Variants in PRIMA1 observed in about 807,000 individuals in gnomAD.
PRIMA1 encodes proline-rich membrane anchor 1.
PRIMA1 carries 7 observed loss-of-function variants against 17.5 expected under a neutral mutation model. That is an observed-to-expected ratio of 0.40 (90% confidence interval 0.23 to 0.75). PRIMA1 has a LOEUF of 0.75. Among genes scored for constraint, PRIMA1 ranks in the 30% least tolerant of loss-of-function variants. The pLI, the probability that PRIMA1 is intolerant of heterozygous loss-of-function variation, is 0.37. For missense variants in PRIMA1, 200 were observed against 201.8 expected (o/e 0.99, Z 0.05); for synonymous variants, 97 against 77.9 (o/e 1.25, Z -1.29).
intron 3 of PRIMA1, among the ~76,000 whole-genome samples, chr14:93,749,215 C>T (rs550851377): frequency 1.2e-4 from 18 of 152,234 alleles, no homozygotes; most frequent in Admixed American, 7.8e-4. Flanking sequence ...GCAGAAGGTC[C>T]GCATACTTGC....
At chr14:93,727,263 G>A (rs1191689751) in intron 4 of PRIMA1, among the ~76,000 whole-genome samples, 1 of 152,218 alleles carries the variant, frequency 6.6e-6, no homozygotes, top group African/African-American at 2.4e-5. Context: ...GCTGTGGGCC[G>A]AGGGGAGCAG....
Position 93,726,602 on chromosome 14 carries a change from C to T in PRIMA1, c.360-5056G>A, listed in dbSNP as rs151186847. ...ACACATACACATGTACGCAAACACACACATATATAATATACACATAGACAC... is the reference window on the plus strand; with the variant it reads ...ACACATACACATGTACGCAAACACATACATATATAATATACACATAGACAC... On this transcript the variant is annotated intron_variant, in intron 4 of 4. Transcript: ENST00000393140. This position sits in a 1 kb window ranked among gnomAD's most constrained non-coding sequence, Gnocchi z 4.2. Among the ~76,000 whole-genome samples, 534 of 152,050 alleles carry T rather than the reference C, an allele frequency of 3.5e-3. 1 individual carries two copies. The highest frequency in any genetic ancestry group is 0.012 in the African/African-American group (508 of 41,444).
chr14:93,767,702 G>A (rs1014488279), intron 3 of PRIMA1, among the ~76,000 whole-genome samples: 2 of 152,076 alleles, frequency 1.3e-5, no homozygotes, highest in Non-Finnish European at 2.9e-5. Context: ...GCCATTATGG[G>A]GCCACACCCT....
At chr14:93,774,005 T>C (rs1387039163) in intron 3 of PRIMA1, among the ~76,000 whole-genome samples, 1 of 151,716 alleles carries the variant, frequency 6.6e-6, no homozygotes. Context: ...GGCAGAAGAA[T>C]CACTTGAACT....
intron 3 of PRIMA1, among the ~76,000 whole-genome samples, chr14:93,750,785 C>T (rs76739445): frequency 0.023 from 3,541 of 152,222 alleles, 147 homozygotes; most frequent in African/African-American, 0.081. Context: ...AAGTAAACAA[C>T]CCACTCCTTC....
chr14:93,733,605 C>T (rs2076129680), intron 4 of PRIMA1, among the ~76,000 whole-genome samples: 1 of 151,956 alleles, frequency 6.6e-6, no homozygotes, highest in Non-Finnish European at 1.5e-5. Context: ...CTCTGAAAGG[C>T]TGTGTTGGGG....
chr14:93,778,929 T>C (rs899541900), intron 3 of PRIMA1, among the ~76,000 whole-genome samples: 2 of 152,098 alleles, frequency 1.3e-5, no homozygotes, highest in African/African-American at 2.4e-5. Context: ...GCCAAGTCAC[T>C]CATCAAATGG....
intron 2 of PRIMA1, among the ~76,000 whole-genome samples, chr14:93,781,227 G>A (rs957007421): frequency 3.3e-4 from 50 of 152,230 alleles, no homozygotes; most frequent in African/African-American, 1.0e-3. Context: ...AGAGCATGCC[G>A]TCTGATGGTG....
intron 2 of PRIMA1, among the ~76,000 whole-genome samples, chr14:93,781,691 A>G (rs1424985572): frequency 6.6e-6 from 1 of 152,246 alleles, no homozygotes; most frequent in South Asian, 2.1e-4. Flanking sequence ...AGCACACTGC[A>G]TTTAAAAAAC....
intron 3 of PRIMA1, among the ~76,000 whole-genome samples, chr14:93,776,081 A>G (rs890409433): frequency 6.6e-5 from 10 of 152,198 alleles, no homozygotes; most frequent in African/African-American, 2.4e-4. Flanking sequence ...GGAATGCTGG[A>G]GCCTGGAGCT....
chr14:93,750,295 G>T (rs2076252274), intron 3 of PRIMA1, among the ~76,000 whole-genome samples: 1 of 152,066 alleles, frequency 6.6e-6, no homozygotes, highest in African/African-American at 2.4e-5. Flanking sequence ...CTTGGGACTT[G>T]CACTGGGAGG....
At chr14:93,785,198 A>G (rs1342714800) in intron 2 of PRIMA1, among the ~76,000 whole-genome samples, 1 of 151,618 alleles carries the variant, frequency 6.6e-6, no homozygotes, top group African/African-American at 2.4e-5. Context: ...CAAAAAAAAA[A>G]AAAAAAAAAG....
chr14:93,732,489 G>C (rs1248552993), intron 4 of PRIMA1, among the ~76,000 whole-genome samples: 1 of 152,204 alleles, frequency 6.6e-6, no homozygotes, highest in Non-Finnish European at 1.5e-5. Flanking sequence ...CCTCTCCTCT[G>C]ACTGTGATCC....
chr14:93,747,771 AGTGT>A (rs370863385), intron 3 of PRIMA1, among the ~76,000 whole-genome samples: 6 of 136,872 alleles, frequency 4.4e-5, no homozygotes, highest in East Asian at 2.1e-4. Flanking sequence ...TGTGTGGGAG[AGTGT>A]GTGTATGAGT....
intron 3 of PRIMA1, among the ~76,000 whole-genome samples, chr14:93,748,419 G>A (rs1385452891): frequency 3.3e-5 from 5 of 152,298 alleles, no homozygotes; most frequent in East Asian, 3.9e-4. Flanking sequence ...AGGGAGCAAC[G>A]CAGTGTGTGG....
intron 3 of PRIMA1, among the ~76,000 whole-genome samples, chr14:93,768,073 T>C (rs145566572): frequency 1.3e-5 from 2 of 152,238 alleles, no homozygotes; most frequent in East Asian, 1.9e-4. Context: ...TTCTACATTG[T>C]ATGAATTTTA....
chr14:93,752,420 C>T (rs1292408110), intron 3 of PRIMA1, among the ~76,000 whole-genome samples: 1 of 152,214 alleles, frequency 6.6e-6, no homozygotes, highest in East Asian at 1.9e-4. Context: ...TCCAACCCCA[C>T]GCGGGGCCCC....
chr14:93,732,127 A>G (rs1399910473), intron 4 of PRIMA1, among the ~76,000 whole-genome samples: 1 of 152,190 alleles, frequency 6.6e-6, no homozygotes, highest in Non-Finnish European at 1.5e-5. Flanking sequence ...GCTTCATGGC[A>G]ATTGGGAACA....
At chr14:93,728,802 G>A (rs1374602893) in intron 4 of PRIMA1, among the ~76,000 whole-genome samples, 2 of 152,184 alleles carry the variant, frequency 1.3e-5, no homozygotes, top group South Asian at 2.1e-4. Context: ...GTGCACGGAG[G>A]CCTGGGCTCC....
Sources: allele counts gnomAD v4.1 joint callset (sites outside exome capture counted in the v4.1 genomes callset), GRCh38; gene constraint gnomAD v4.1.1; non-coding constraint Gnocchi (gnomAD v3.1); transcripts MANE v1.5; gene names NCBI Gene and HGNC (gene_info 2026-07-23, HGNC 2026-07-21).